Variants in ABCC8 observed in about 807,000 individuals in gnomAD.
The protein encoded by ABCC8 is ATP-binding cassette sub-family C member 8.
ABCC8 carries 137 observed loss-of-function variants against 188.0 expected under a neutral mutation model. The ratio of observed to expected loss-of-function variants is 0.73; its 90% confidence interval spans 0.63 to 0.84. The LOEUF is 0.84. Among genes scored for constraint, ABCC8 ranks in the 40% least tolerant of loss-of-function variants. The pLI is 0.00. For synonymous variants in ABCC8, 797 were observed against 846.5 expected (o/e 0.94, Z 1.01); for missense variants, 1,750 against 2,072.7 (o/e 0.84, Z 3.02).
Position 17,463,533 on chromosome 11 carries a change from T to C in ABCC8, c.484A>G (p.Ile162Val), listed in dbSNP as rs551177539. 2.5e-6 allele frequency: 4 copies of C among 1,598,478 alleles called. No individual in the cohort carries two copies. The highest frequency in any genetic ancestry group is 3.5e-5 in the Admixed American group (2 of 57,494). The change falls in exon 4 of 39, where the codon ATC becomes GTC. Residue 162 changes from isoleucine to valine, a missense_variant. Ile to Val is a conservative substitution (Grantham distance 29). Transcript: ENST00000389817. The stretch of plus-strand genomic sequence containing the variant: ...CAGAAGCGTAGCTGCGAGAAGCCGA[T>C]GGCGTGGTCCAAGAACTTGACAAAC... ...IKFVKFLDHA[I>V]GFSQLRFCLT...
At chr11:17,420,156 T>C (rs945393838) in intron 16 of ABCC8, among the ~76,000 whole-genome samples, 1 of 152,188 alleles carries the variant, frequency 6.6e-6, no homozygotes, top group East Asian at 1.9e-4. Context: ...AGCTAGGATA[T>C]ACAGGGCTCC....
chr11:17,474,598 A>G (rs1848656472), intron 2 of ABCC8, among the ~76,000 whole-genome samples: 2 of 151,388 alleles, frequency 1.3e-5, no homozygotes, highest in South Asian at 4.2e-4. Flanking sequence ...GAGGCCAGAC[A>G]TTTTTCACTG....
At chr11:17,405,339 G>A (rs1488603473) in intron 27 of ABCC8, among the ~76,000 whole-genome samples, 155 bp downstream of exon 27, 2 of 152,254 alleles carry the variant, frequency 1.3e-5, no homozygotes, top group African/African-American at 4.8e-5. Flanking sequence ...GGAGGCCCCA[G>A]CCCTGAAGCA....
intron 3 of ABCC8, among the ~76,000 whole-genome samples, chr11:17,469,083 C>CTCCTTCCTTCCTTCCT (rs1295147487): frequency 7.4e-6 from 1 of 135,444 alleles, no homozygotes; most frequent in African/African-American, 3.1e-5. Flanking sequence ...CCCTCCCTCC[C>CTCCTTCCTTCCTTCCT]TCCTTCCTTC....
intron 32 of ABCC8, 22 bp downstream of exon 32, chr11:17,397,171 C>T: frequency 6.2e-7 from 1 of 1,613,452 alleles, no homozygotes; most frequent in Non-Finnish European, 8.5e-7. Flanking sequence ...CTCTTCCCCA[C>T]CCCTCTCCCT....
In ABCC8 at chr11:17,416,926, G is replaced by A. The variant is rs1190941989; in HGVS notation, c.2255+4C>T. Reference sequence around the variant, plus strand: ...CCACTTCTGACCCAGTCCCAAGGCTGTACCTGGGGTCCTCTCCTATCTCGC... The same window carrying A: ...CCACTTCTGACCCAGTCCCAAGGCTATACCTGGGGTCCTCTCCTATCTCGC... On this transcript the variant is annotated splice_donor_region_variant and intron_variant, in intron 17 of 38. Coordinates refer to ENST00000389817, the MANE Select transcript of ABCC8 (RefSeq NM_000352.6). 1 of 1,612,784 alleles carries A rather than the reference G, an allele frequency of 6.2e-7. No individual in the cohort carries two copies. The highest frequency in any genetic ancestry group is 8.5e-7 in the Non-Finnish European group (1 of 1,179,872).
At chr11:17,450,870 G>A (rs1956790213) in intron 7 of ABCC8, among the ~76,000 whole-genome samples, 1 of 150,812 alleles carries the variant, frequency 6.6e-6, no homozygotes, top group African/African-American at 2.4e-5. Context: ...TGTATTTTTA[G>A]TAGAGATGGG....
At chr11:17,402,950 T>C (rs950796955) in intron 28 of ABCC8, 197 bp from the exon 29 acceptor site, 32 of 182,220 alleles carry the variant, frequency 1.8e-4, no homozygotes, top group African/African-American at 5.7e-4. Flanking sequence ...AGATCGTTTA[T>C]GTACAATGCT....
Position 17,407,018 on chromosome 11 carries a change from A to G in ABCC8, c.3032T>C (p.Leu1011Pro). Residue 1011 changes from leucine (L) to proline (P), a missense_variant, in exon 25 of 39, where the codon CTC (leucine) becomes CCC (proline). Coordinates refer to ENST00000389817, the MANE Select transcript of ABCC8 (RefSeq NM_000352.6). ...AKYLSSAGIL[L>P]LSLLVFSQLL... Reference sequence around the variant, plus strand: ...CTGTGAGAAGACCAGCAACGACAGGAGCAGGATGCCGGCGGAGGACAGGTA... The same window carrying G: ...CTGTGAGAAGACCAGCAACGACAGGGGCAGGATGCCGGCGGAGGACAGGTA... The G allele has an allele frequency of 1.2e-6, 2 of 1,614,182 alleles. No homozygotes were observed. Among genetic ancestry groups the G allele is most frequent in the South Asian group, 1.1e-5 (1 of 91,088 alleles).
At chr11:17,461,361 C>T (rs914412140) in intron 5 of ABCC8, 1 of 616,954 alleles carries the variant, frequency 1.6e-6, no homozygotes, top group South Asian at 1.9e-5. Context: ...GACTAGACGA[C>T]CTAAACGGTA....
At chr11:17,422,807 T>C (rs1245399186) in intron 16 of ABCC8, among the ~76,000 whole-genome samples, 6 of 152,202 alleles carry the variant, frequency 3.9e-5, no homozygotes, top group Admixed American at 3.9e-4. Context: ...CAGTCCCATC[T>C]TTCATAATGC....
At chr11:17,445,664 A>C (rs1252355652) in intron 8 of ABCC8, among the ~76,000 whole-genome samples, 1 of 152,230 alleles carries the variant, frequency 6.6e-6, no homozygotes, top group Non-Finnish European at 1.5e-5. Context: ...ATTAACTCCC[A>C]GGAGTAACAC....
At chr11:17,464,212 G>A (rs887216333) in intron 3 of ABCC8, among the ~76,000 whole-genome samples, 2 of 152,192 alleles carry the variant, frequency 1.3e-5, no homozygotes, top group African/African-American at 4.8e-5. Context: ...GGAAACTGAG[G>A]CCCAGAAATA....
chr11:17,404,277 C>A lies in ABCC8; in HGVS notation c.3557+235G>T, dbSNP rs561727496. Among the ~76,000 whole-genome samples the A allele has an allele frequency of 3.3e-5, 5 of 152,298 alleles. No homozygotes were observed. In the South Asian group the frequency reaches 1.0e-3, roughly 32 times the overall value. On this transcript the variant is annotated intron_variant, in intron 28 of 38. Transcript: ENST00000389817. This position sits in a 1 kb window ranked among gnomAD's most constrained non-coding sequence, Gnocchi z 4.7. ...ATGACCTAGCAATTCCAGTCCTGAC[C>A]ATATCGCCCAAGGAAATAATTCAGA...
At position 17,428,425 on chromosome 11, in the gene ABCC8, G is replaced by A. The variant is rs1156884084; in HGVS notation, c.1924-20C>T. 1.9e-6 allele frequency: 3 copies of A among 1,610,188 alleles called. No homozygotes were observed. Among genetic ancestry groups the A allele is most frequent in the Non-Finnish European group, 2.5e-6 (3 of 1,177,144 alleles). ...GAGGGGCTGGGGGTGGTTTGGAGGT[G>A]AGGACCCACTGGGCTGGGAGCTGTG... On this transcript the variant is annotated intron_variant, in intron 13 of 38. Transcript: ENST00000389817.
chr11:17,410,311 T>A lies in ABCC8; in HGVS notation c.2694+205A>T, dbSNP rs1954748351. 2.4e-5 allele frequency: 14 copies of A among 590,818 alleles called. No individual in the cohort carries two copies. The South Asian group carries it at 3.0e-4, about 13-fold the overall frequency. 36.6% of individuals were successfully genotyped at this position (590,818 alleles called of 1,614,324 possible). On this transcript the variant is annotated intron_variant, in intron 22 of 38. Transcript: ENST00000389817. ...GGGGCCCGGGCCAGGATGGGGAGTGTCTGTGGGTCTAGGTGATACCAAACC... is the reference window on the plus strand; with the variant it reads ...GGGGCCCGGGCCAGGATGGGGAGTGACTGTGGGTCTAGGTGATACCAAACC...
At chr11:17,418,098 G>T (rs1341051437) in intron 16 of ABCC8, among the ~76,000 whole-genome samples, 1 of 152,178 alleles carries the variant, frequency 6.6e-6, no homozygotes, top group Non-Finnish European at 1.5e-5. Flanking sequence ...CCATATGAAG[G>T]AGGTTTATTC....
chr11:17,412,299 A>C (rs1426955179), intron 21 of ABCC8, among the ~76,000 whole-genome samples: 1 of 152,234 alleles, frequency 6.6e-6, no homozygotes, highest in East Asian at 1.9e-4. Context: ...AACAATTAGC[A>C]ATGTCTGCAC....
chr11:17,457,259 T>C (rs1456583519), intron 6 of ABCC8, among the ~76,000 whole-genome samples: 2 of 152,042 alleles, frequency 1.3e-5, no homozygotes, highest in East Asian at 1.9e-4. Flanking sequence ...AACGGGGGCA[T>C]AGACACACAC....
Sources: allele counts gnomAD v4.1 joint callset (sites outside exome capture counted in the v4.1 genomes callset), GRCh38; gene constraint gnomAD v4.1.1; non-coding constraint Gnocchi (gnomAD v3.1); transcripts MANE v1.5; gene names NCBI Gene and HGNC (gene_info 2026-07-23, HGNC 2026-07-21).